The following SOCS6 variants were observed in gnomAD, a reference collection of about 807,000 sequenced individuals.
SOCS6 encodes the protein suppressor of cytokine signaling 6.
A neutral mutation model predicts 27.7 loss-of-function variants in SOCS6; 5 were observed. The ratio of observed to expected loss-of-function variants is 0.18; its 90% CI spans 0.09 to 0.38. The LOEUF (loss-of-function observed/expected upper bound fraction) is 0.38. Among genes scored for constraint, SOCS6 ranks in the 10% least tolerant of loss-of-function variants. The pLI is 1.00. For synonymous variants in SOCS6, 271 were observed against 260.0 expected, an observed-to-expected ratio of 1.04 and a Z score of -0.41; for missense variants, 595 against 688.1, an observed-to-expected ratio of 0.86 and a Z score of 1.51.
intron 1 of SOCS6, among the ~76,000 whole-genome samples, chr18:70,289,483 G>C (rs2062288563): frequency 6.8e-6 from 1 of 147,404 alleles, no homozygotes; most frequent in Non-Finnish European, 1.5e-5. Context: ...CGCCGCCTTT[G>C]TTGCCCGCAG....
Position 70,329,276 on chromosome 18 carries a change from T to A in SOCS6, c.*3000T>A, listed in dbSNP as rs1911329402. 6.0e-6 allele frequency: 1 copy of A among 167,074 alleles called. No homozygotes were observed. Among genetic ancestry groups the A allele is most frequent in the African/African-American group, 2.4e-5 (1 of 41,444 alleles). 10.3% of individuals were successfully genotyped at this position (167,074 alleles called of 1,614,324 possible). A position where few individuals can be genotyped will look rare whatever the true frequency, so the allele number is the denominator to read the frequency against. ...TGATCATAGACCTAAAAATAGTTTT[T>A]AAGGAAACCAGCTACACGGGGCAAC... On this transcript the variant is annotated 3_prime_UTR_variant, in exon 2 of 2. Coordinates refer to ENST00000397942, the MANE Select transcript of SOCS6 (RefSeq NM_004232.4).
chr18:70,289,937 G>A (rs1232976259), intron 1 of SOCS6, among the ~76,000 whole-genome samples: 1 of 152,312 alleles, frequency 6.6e-6, no homozygotes, highest in East Asian at 1.9e-4. Flanking sequence ...ACAAAACTTG[G>A]GATATGTGCA....
chr18:70,305,064 G>A lies in SOCS6; in HGVS notation c.-127+15974G>A, dbSNP rs141727719. Among the ~76,000 whole-genome samples the A allele has an allele frequency of 2.6e-3, 390 of 152,176 alleles. 1 individual carries two copies. Among genetic ancestry groups the A allele is most frequent in the African/African-American group, 8.7e-3 (363 of 41,524 alleles). ...TACTAAGAAAATACAAAAATTTGCCGGGCATGGTGGCATGCACCTGTAATC... is the reference window on the plus strand; with the variant it reads ...TACTAAGAAAATACAAAAATTTGCCAGGCATGGTGGCATGCACCTGTAATC... On this transcript the variant is annotated intron_variant, in intron 1 of 1. Coordinates refer to ENST00000397942, the MANE Select transcript of SOCS6 (RefSeq NM_004232.4).
At chr18:70,302,367 G>C (rs1324983110) in intron 1 of SOCS6, among the ~76,000 whole-genome samples, 1 of 152,142 alleles carries the variant, frequency 6.6e-6, no homozygotes, top group African/African-American at 2.4e-5. Flanking sequence ...AAAAGAGAGG[G>C]AAGGTGTGAA....
chr18:70,323,871 T>C (rs529185855), intron 1 of SOCS6, among the ~76,000 whole-genome samples: 1 of 152,180 alleles, frequency 6.6e-6, no homozygotes, highest in Admixed American at 6.5e-5. Context: ...GGAGGAGCAG[T>C]CGGAGTCAGT....
At chr18:70,301,688 G>A (rs1220852825) in intron 1 of SOCS6, among the ~76,000 whole-genome samples, 1 of 152,176 alleles carries the variant, frequency 6.6e-6, no homozygotes, top group Non-Finnish European at 1.5e-5. Context: ...ATGCTATGCA[G>A]TGTCATGAGC....
At position 70,325,159 on chromosome 18, in the gene SOCS6, C is replaced by G. The variant is rs767788085; in HGVS notation, c.491C>G (p.Pro164Arg). ...RVKALVHSSS[P>R]SPALNGVRKD... is the part of the protein sequence containing the mutation. ...AAGGCCTTGGTTCACTCTTCCAGCC[C>G]GAGTCCAGCCCTGAATGGCGTCCGG... The change falls in exon 2 of 2, where the codon CCG (proline) becomes CGG (arginine). Residue 164 changes from proline (P) to arginine (R), a missense_variant. This residue lies in a region of SOCS6 where 467 missense variants were observed against 481.1 expected (regional missense o/e 0.97). Coordinates refer to ENST00000397942, the MANE Select transcript of SOCS6 (RefSeq NM_004232.4). This position sits in a 1 kb window ranked among gnomAD's most constrained non-coding sequence, Gnocchi z 6.3. The G allele has an allele frequency of 1.2e-6, 2 of 1,613,980 alleles. No individual in the cohort carries two copies. The highest frequency in any genetic ancestry group is 1.7e-6 in the Non-Finnish European group (2 of 1,179,984).
intron 1 of SOCS6, among the ~76,000 whole-genome samples, chr18:70,318,278 CT>C (rs1158178170): frequency 2.6e-5 from 4 of 152,092 alleles, no homozygotes; most frequent in African/African-American, 9.7e-5. Context: ...TCAATTTGCA[CT>C]ATTTTTATAT....
At chr18:70,311,029 G>A (rs9646604) in intron 1 of SOCS6, among the ~76,000 whole-genome samples, 45,264 of 152,066 alleles carry the variant, frequency 0.3, 7,788 homozygotes, top group East Asian at 0.73. Context: ...CTCCAAGTGA[G>A]TGGCGGTTGG....
rs141183315 is a variant in SOCS6, at chr18:70,328,959, G to C, written c.*2683G>C. The C allele has an allele frequency of 6.0e-6, 1 of 166,998 alleles. No homozygotes were observed. Among genetic ancestry groups the C allele is most frequent in the Admixed American group, 6.5e-5 (1 of 15,276 alleles). The allele number at this position is 166,998 out of a possible 1,614,324, so 10.3% of individuals were successfully genotyped here. On this transcript the variant is annotated 3_prime_UTR_variant, in exon 2 of 2. Coordinates refer to ENST00000397942, the MANE Select transcript of SOCS6 (RefSeq NM_004232.4). ...CAGCCTATGAGTGCTTTTTAAATAC[G>C]TGCTTCTAAAAATCTGAGCTCAAAG...
At chr18:70,312,888 C>T (rs2062396221) in intron 1 of SOCS6, among the ~76,000 whole-genome samples, 2 of 150,930 alleles carry the variant, frequency 1.3e-5, no homozygotes, top group Admixed American at 6.7e-5. Context: ...ATTCTCCTGC[C>T]TCAGCCCTCC....
intron 1 of SOCS6, among the ~76,000 whole-genome samples, chr18:70,319,492 C>G (rs1416620404): frequency 6.6e-6 from 1 of 150,878 alleles, no homozygotes; most frequent in Non-Finnish European, 1.5e-5. Context: ...GTACAGAAAG[C>G]AATGATGGAT....
chr18:70,294,202 G>C (rs1469734076), intron 1 of SOCS6, among the ~76,000 whole-genome samples: 1 of 151,832 alleles, frequency 6.6e-6, no homozygotes, highest in East Asian at 1.9e-4. Context: ...TCCTTTATCT[G>C]ACTGCTTTTG....
At chr18:70,296,136 T>A (rs1380694177) in intron 1 of SOCS6, among the ~76,000 whole-genome samples, 1 of 152,214 alleles carries the variant, frequency 6.6e-6, no homozygotes, top group South Asian at 2.1e-4. Flanking sequence ...CGCCTTGATA[T>A]GATGAAGCTC....
chr18:70,317,564 C>CGTAT, intron 1 of SOCS6, among the ~76,000 whole-genome samples: 2 of 150,234 alleles, frequency 1.3e-5, no homozygotes, highest in Non-Finnish European at 3.0e-5. Flanking sequence ...TACACACACA[C>CGTAT]ACACACACAC....
rs1234553411 is a variant in SOCS6 at position 70,329,815 on chromosome 18, A to T, written c.*3539A>T. On this transcript the variant is annotated 3_prime_UTR_variant, in exon 2 of 2. Coordinates refer to ENST00000397942, the MANE Select transcript of SOCS6 (RefSeq NM_004232.4). ...ACATTCTTTTTATTAATCAGTCATA[A>T]CATGGCGAAGTGTGTAGTTGCTGTT... 1 of 167,124 alleles carries T rather than the reference A, an allele frequency of 6.0e-6. No individual in the cohort carries two copies. 10.4% of individuals were successfully genotyped at this position (167,124 alleles called of 1,614,324 possible).
chr18:70,317,348 T>G (rs2062415679), intron 1 of SOCS6, among the ~76,000 whole-genome samples: 1 of 152,128 alleles, frequency 6.6e-6, no homozygotes, highest in Non-Finnish European at 1.5e-5. Flanking sequence ...AGAATGGAAG[T>G]TAGTTACTTC....
intron 1 of SOCS6, among the ~76,000 whole-genome samples, chr18:70,313,588 T>C (rs895229832): frequency 6.6e-6 from 1 of 152,190 alleles, no homozygotes; most frequent in Non-Finnish European, 1.5e-5. Context: ...GACCCACTAG[T>C]CCCGAAAGTT....
chr18:70,320,083 C>A (rs1006516670), intron 1 of SOCS6, among the ~76,000 whole-genome samples: 2 of 151,998 alleles, frequency 1.3e-5, no homozygotes, highest in Non-Finnish European at 2.9e-5. Flanking sequence ...TCTCTGCTTC[C>A]TGGGCTCAAG....
Sources: gnomAD v4.1 joint callset for allele counts (sites outside exome capture counted in the v4.1 genomes callset) on GRCh38, gnomAD v4.1.1 for gene constraint, gnomAD v4.1.1 regional missense constraint, Gnocchi (gnomAD v3.1) non-coding constraint, MANE v1.5 for transcripts, NCBI Gene and HGNC (gene_info 2026-07-23, HGNC 2026-07-21) for gene names.